Variants in RICTOR observed in about 807,000 individuals in gnomAD.
RICTOR encodes RPTOR independent companion of MTOR complex 2, also known as rapamycin-insensitive companion of mTOR.
RICTOR carries 49 observed loss-of-function variants against 214.9 expected under a neutral mutation model. The observed-to-expected ratio is 0.23, with a 90% CI of 0.18 to 0.29. The LOEUF (loss-of-function observed/expected upper bound fraction) is 0.29. Ranked by LOEUF, RICTOR falls within the 10% of genes least tolerant of loss-of-function variation. RICTOR has a pLI of 1.00. For synonymous variants in RICTOR, 717 were observed against 711.3 expected (o/e 1.01, Z -0.13); for missense variants, 1,625 against 2,047.0 (o/e 0.79, Z 3.98).
At chr5:39,017,085 T>C (rs1039755493) in intron 3 of RICTOR, among the ~76,000 whole-genome samples, 5 of 152,112 alleles carry the variant, frequency 3.3e-5, no homozygotes, top group Admixed American at 6.6e-5. Context: ...ATTTTTAAGA[T>C]TGCTGTAAGA....
chr5:38,962,887 A>C lies in RICTOR; in HGVS notation c.1555T>G (p.Phe519Val). ...TTTCATGTCAGCACCTTAAGGATAA[A>C]TATATCTTTCTGAACTCGGAGATAC... ...DQYLRVQKDI[F>V]ILKDTEEALL... is the part of the protein sequence containing the mutation. Residue 519 changes from phenylalanine (F) to valine (V), a missense_variant, in exon 17 of 38, where the codon TTT (phenylalanine) becomes GTT (valine). By Grantham distance (50) the Phe-to-Val change is conservative. Transcript: ENST00000357387. 6.2e-7 allele frequency: 1 copy of C among 1,611,952 alleles called. No homozygotes were observed. The highest frequency in any genetic ancestry group is 8.5e-7 in the Non-Finnish European group (1 of 1,178,246).
At chr5:39,056,651 A>G (rs142254626) in intron 2 of RICTOR, among the ~76,000 whole-genome samples, 1,538 of 152,084 alleles carry the variant, frequency 0.01, 29 homozygotes, top group African/African-American at 0.035. Context: ...AAGAAAAGGC[A>G]AAACGATTAA....
At chr5:39,032,428 TAATGTTCCTAA>T (rs1335366487) in intron 2 of RICTOR, among the ~76,000 whole-genome samples, 5 of 152,234 alleles carry the variant, frequency 3.3e-5, no homozygotes, top group Admixed American at 1.3e-4. Flanking sequence ...AACTGGATTA[TAATGTTCCTAA>T]AATGTTAAGT....
intron 10 of RICTOR, among the ~76,000 whole-genome samples, chr5:38,974,310 C>T (rs958701687): frequency 4.0e-5 from 6 of 149,138 alleles, no homozygotes; most frequent in East Asian, 4.0e-4. Flanking sequence ...TTAGCATGAG[C>T]GACTGCACCC....
At chr5:38,956,463 T>C (rs185616243) in intron 25 of RICTOR, among the ~76,000 whole-genome samples, 4 of 152,238 alleles carry the variant, frequency 2.6e-5, no homozygotes, top group South Asian at 4.1e-4. Context: ...TACATTGGAA[T>C]ATGACTTTCT....
chr5:39,034,480 G>T (rs1756511142), intron 2 of RICTOR, among the ~76,000 whole-genome samples: 1 of 152,238 alleles, frequency 6.6e-6, no homozygotes, highest in East Asian at 1.9e-4. Flanking sequence ...AGGACAGTGG[G>T]TGCAGCGCAC....
intron 2 of RICTOR, among the ~76,000 whole-genome samples, chr5:39,041,940 C>CAAAA (rs35609106): frequency 2.4e-5 from 2 of 84,608 alleles, no homozygotes; most frequent in Non-Finnish European, 2.5e-5. Context: ...GACCCTGTTT[C>CAAAA]AAAAAAAAAA....
intron 11 of RICTOR, chr5:38,970,088 G>A (rs867248036): frequency 6.6e-6 from 1 of 152,096 alleles, no homozygotes; most frequent in Non-Finnish European, 1.5e-5. Context: ...TGCTATACAG[G>A]TTTGTAGCTT....
intron 32 of RICTOR, among the ~76,000 whole-genome samples, 181 bp downstream of exon 32, chr5:38,947,083 C>T (rs760208913): frequency 2.0e-5 from 3 of 151,980 alleles, no homozygotes; most frequent in South Asian, 2.1e-4. Flanking sequence ...TAAAAGAGTA[C>T]AGAGTAGTTG....
chr5:39,033,017 T>C (rs1196625104), intron 2 of RICTOR, among the ~76,000 whole-genome samples: 1 of 152,166 alleles, frequency 6.6e-6, no homozygotes, highest in Non-Finnish European at 1.5e-5. Context: ...ATATAACACA[T>C]ATATCTGATT....
At chr5:38,961,982 A>T (rs1469091510) in intron 19 of RICTOR, among the ~76,000 whole-genome samples, 1 of 152,088 alleles carries the variant, frequency 6.6e-6, no homozygotes, top group Non-Finnish European at 1.5e-5. Flanking sequence ...AAAGTTGTAT[A>T]TTAAAAATAT....
chr5:38,977,793 G>T (rs1751368617), intron 9 of RICTOR, among the ~76,000 whole-genome samples: 1 of 151,864 alleles, frequency 6.6e-6, no homozygotes, highest in Non-Finnish European at 1.5e-5. Context: ...CACCAGATTG[G>T]TCAGGCTGGT....
At chr5:38,954,309 T>G (rs947796592) in intron 27 of RICTOR, among the ~76,000 whole-genome samples, 1 of 151,986 alleles carries the variant, frequency 6.6e-6, no homozygotes, top group African/African-American at 2.4e-5. Context: ...TGCCTATGCT[T>G]GTTAACATTC....
At chr5:39,023,582 A>G (rs1358340784) in intron 2 of RICTOR, among the ~76,000 whole-genome samples, 1 of 152,232 alleles carries the variant, frequency 6.6e-6, no homozygotes, top group Non-Finnish European at 1.5e-5. Flanking sequence ...TTAAATAAAA[A>G]CAAAAGCACA....
intron 2 of RICTOR, among the ~76,000 whole-genome samples, chr5:39,050,680 T>C (rs963491737): frequency 6.6e-6 from 1 of 152,160 alleles, no homozygotes; most frequent in Non-Finnish European, 1.5e-5. Context: ...TTAATGTCAC[T>C]GTGGTTGTAT....
chr5:39,004,855 C>G (rs1474362190), intron 3 of RICTOR, among the ~76,000 whole-genome samples: 1 of 145,996 alleles, frequency 6.8e-6, no homozygotes, highest in Non-Finnish European at 1.5e-5. Flanking sequence ...AATCTCAGCT[C>G]ACCGCAACCT....
At chr5:39,039,770 C>A (rs1211566526) in intron 2 of RICTOR, among the ~76,000 whole-genome samples, 4 of 152,218 alleles carry the variant, frequency 2.6e-5, no homozygotes, top group African/African-American at 9.6e-5. Context: ...CAATGAGATA[C>A]CATCTCATAC....
intron 14 of RICTOR, 64 bp from the exon 15 acceptor site, chr5:38,966,785 A>C: frequency 1.1e-6 from 1 of 900,216 alleles, no homozygotes; most frequent in Non-Finnish European, 1.7e-6. Context: ...TTTATGCATC[A>C]GATTTATTTT....
intron 7 of RICTOR, 59 bp from the exon 8 acceptor site, chr5:38,982,095 T>TC: frequency 7.7e-7 from 1 of 1,294,622 alleles, no homozygotes; most frequent in South Asian, 1.4e-5. Context: ...TAATAAAAAA[T>TC]CTAGGCTTTA....
Sources: gnomAD v4.1 joint callset for allele counts (sites outside exome capture counted in the v4.1 genomes callset) on GRCh38, gnomAD v4.1.1 for gene constraint, MANE v1.5 for transcripts, NCBI Gene and HGNC (gene_info 2026-07-23, HGNC 2026-07-21) for gene names.